The following MAGI1 variants were observed in gnomAD, a reference collection of about 807,000 sequenced individuals.
MAGI1 encodes membrane-associated guanylate kinase, WW and PDZ domain-containing protein 1.
MAGI1 carries 58 observed loss-of-function variants against 139.9 expected under a neutral mutation model. That is an observed-to-expected ratio of 0.41 (90% CI 0.34 to 0.52). The LOEUF (loss-of-function observed/expected upper bound fraction) is 0.52. Ranked by LOEUF, MAGI1 falls within the 20% of genes least tolerant of loss-of-function variation. The probability of loss-of-function intolerance (pLI) is 0.12; values close to 1 mark genes in which losing one functional copy is unlikely to be tolerated. For missense variants in MAGI1, 1,874 were observed against 1,901.6 expected, an observed-to-expected ratio of 0.99 and a Z score of 0.27; for synonymous variants, 812 against 737.9, an observed-to-expected ratio of 1.10 and a Z score of -1.63.
At chr3:65,484,526 T>C (rs1230665709) in intron 3 of MAGI1, among the ~76,000 whole-genome samples, 10 of 152,164 alleles carry the variant, frequency 6.6e-5, no homozygotes. Flanking sequence ...AGTGCAAATA[T>C]GTATAGAGTA....
chr3:65,973,435 C>T (rs934616983), intron 1 of MAGI1, among the ~76,000 whole-genome samples: 8 of 152,132 alleles, frequency 5.3e-5, no homozygotes, highest in Non-Finnish European at 1.2e-4. Flanking sequence ...TATTGCAGCT[C>T]CCATGATACT....
chr3:65,843,058 A>G (rs1207164822), intron 1 of MAGI1, among the ~76,000 whole-genome samples: 1 of 152,186 alleles, frequency 6.6e-6, no homozygotes, highest in East Asian at 1.9e-4. Flanking sequence ...CCTGGTATTC[A>G]TAACCCTGAA....
chr3:65,885,738 A>G (rs998071353), intron 1 of MAGI1, among the ~76,000 whole-genome samples: 2 of 152,304 alleles, frequency 1.3e-5, no homozygotes, highest in East Asian at 1.9e-4. Flanking sequence ...CACCATGATT[A>G]TGAGGCCTCC....
At chr3:65,392,558 A>G (rs1944015907) in intron 13 of MAGI1, among the ~76,000 whole-genome samples, 1 of 152,148 alleles carries the variant, frequency 6.6e-6, no homozygotes, top group Non-Finnish European at 1.5e-5. Flanking sequence ...AGTTCTTTAT[A>G]GAGCCCAAAT....
At chr3:65,626,153 C>T (rs17073221) in intron 1 of MAGI1, among the ~76,000 whole-genome samples, 8,183 of 152,162 alleles carry the variant, frequency 0.054, 451 homozygotes, top group African/African-American at 0.14. Context: ...ATTTGAGCCA[C>T]GGCAAAGACG....
intron 1 of MAGI1, among the ~76,000 whole-genome samples, chr3:65,949,304 G>A (rs566079440): frequency 1.3e-5 from 2 of 152,296 alleles, no homozygotes; most frequent in African/African-American, 2.4e-5. Context: ...ATTGTTGGAC[G>A]AGGTGTTAAA....
intron 13 of MAGI1, among the ~76,000 whole-genome samples, chr3:65,401,067 C>G (rs1217816688): frequency 6.6e-6 from 1 of 152,090 alleles, no homozygotes; most frequent in Non-Finnish European, 1.5e-5. Context: ...ACTCACGGAG[C>G]AGGTGGAGCT....
intron 1 of MAGI1, among the ~76,000 whole-genome samples, chr3:65,869,816 T>G (rs1035879563): frequency 3.3e-5 from 5 of 152,220 alleles, no homozygotes; most frequent in African/African-American, 1.2e-4. Flanking sequence ...GGCCGCTTGG[T>G]GTCTCACATT....
At chr3:65,544,403 A>G (rs913124207) in intron 2 of MAGI1, among the ~76,000 whole-genome samples, 2 of 152,124 alleles carry the variant, frequency 1.3e-5, no homozygotes, top group Non-Finnish European at 2.9e-5. Flanking sequence ...AGGAGATTGC[A>G]AAGAACTTTT....
chr3:65,696,445 C>T (rs1229337309), intron 1 of MAGI1, among the ~76,000 whole-genome samples: 3 of 152,178 alleles, frequency 2.0e-5, no homozygotes, highest in Admixed American at 1.3e-4. Flanking sequence ...ATTCATGGGG[C>T]ATCTCTAACA....
chr3:65,824,539 A>C lies in MAGI1; in HGVS notation c.314-202451T>G, dbSNP rs192717413. On this transcript the variant is annotated intron_variant, in intron 1 of 22. Coordinates refer to ENST00000402939, the MANE Select transcript of MAGI1 (RefSeq NM_001033057.2). Reference sequence around the variant, plus strand: ...TTAAGAAAGCTGCATATACAAGCCAACTAAGTTGTAGAAAGAATTTGTGTG... The same window carrying C: ...TTAAGAAAGCTGCATATACAAGCCACCTAAGTTGTAGAAAGAATTTGTGTG... Among the ~76,000 whole-genome samples, 19 of 152,338 alleles carry C rather than the reference A, an allele frequency of 1.2e-4. No homozygotes were observed. In the East Asian group the frequency reaches 3.7e-3, roughly 29 times the overall value.
At chr3:65,695,301 C>A (rs998360898) in intron 1 of MAGI1, among the ~76,000 whole-genome samples, 2 of 152,156 alleles carry the variant, frequency 1.3e-5, no homozygotes, top group Non-Finnish European at 2.9e-5. Context: ...AGGCATCACC[C>A]CCATTAAATA....
At chr3:65,561,634 T>C (rs1463450758) in intron 2 of MAGI1, among the ~76,000 whole-genome samples, 1 of 152,210 alleles carries the variant, frequency 6.6e-6, no homozygotes, top group African/African-American at 2.4e-5. Context: ...AAAGGAGTTT[T>C]AGAAATAATT....
At chr3:65,621,609 T>G (rs186125589) in intron 2 of MAGI1, among the ~76,000 whole-genome samples, 211 of 152,188 alleles carry the variant, frequency 1.4e-3, no homozygotes, top group Admixed American at 5.0e-3. Flanking sequence ...TAACAGCAAA[T>G]GTTAACATTT....
chr3:65,978,182 C>CT (rs1238088658), intron 1 of MAGI1, among the ~76,000 whole-genome samples: 5 of 152,216 alleles, frequency 3.3e-5, no homozygotes, highest in Non-Finnish European at 7.3e-5. Flanking sequence ...GTTCTAAGCA[C>CT]TTCAGTTTCT....
intron 1 of MAGI1, among the ~76,000 whole-genome samples, chr3:65,809,463 A>G (rs2041083424): frequency 6.6e-6 from 1 of 152,202 alleles, no homozygotes; most frequent in South Asian, 2.1e-4. Context: ...AAGTCAGAGG[A>G]CTGGAGCCAA....
chr3:65,915,538 A>G (rs555703399), intron 1 of MAGI1, among the ~76,000 whole-genome samples: 1 of 152,110 alleles, frequency 6.6e-6, no homozygotes, highest in African/African-American at 2.4e-5. Context: ...TTCTTTTTTT[A>G]AAATCCCTGA....
intron 1 of MAGI1, among the ~76,000 whole-genome samples, chr3:65,756,198 TA>T (rs1379666539): frequency 7.4e-6 from 1 of 135,424 alleles, no homozygotes; most frequent in Non-Finnish European, 1.6e-5. Flanking sequence ...GTTTTCCACT[TA>T]GTGGATCCCT....
intron 1 of MAGI1, among the ~76,000 whole-genome samples, chr3:65,672,181 T>A (rs1441154602): frequency 6.6e-6 from 1 of 152,200 alleles, no homozygotes; most frequent in Non-Finnish European, 1.5e-5. Flanking sequence ...TCTTTTCAGA[T>A]TCATGAAATG....
Sources: gnomAD v4.1 joint callset for allele counts (sites outside exome capture counted in the v4.1 genomes callset) on GRCh38, gnomAD v4.1.1 for gene constraint, MANE v1.5 for transcripts, NCBI Gene and HGNC (gene_info 2026-07-23, HGNC 2026-07-21) for gene names.